Variants in ANXA1 observed in about 807,000 individuals in gnomAD.
ANXA1 encodes annexin I (lipocortin I).
In ANXA1, 39 loss-of-function variants were observed where a neutral mutation model predicts 47.9. That is an observed-to-expected ratio of 0.81 (90% CI 0.63 to 1.06). The LOEUF is 1.06. Ranked by LOEUF, ANXA1 falls within the 50% of genes least tolerant of loss-of-function variation. ANXA1 has a pLI of 0.00. For synonymous variants in ANXA1, 146 were observed against 142.5 expected (o/e 1.02, Z -0.17); for missense variants, 446 against 422.7 (o/e 1.06, Z -0.48).
At position 73,163,481 on chromosome 9, in the gene ANXA1, C is replaced by T. The variant is rs745737142; in HGVS notation, c.561C>T (p.Asp187=). The T allele has an allele frequency of 2.5e-6, 4 of 1,612,768 alleles. No individual in the cohort carries two copies. The highest frequency in any genetic ancestry group is 3.4e-6 in the Non-Finnish European group (4 of 1,179,098). ...TAGAATGGGATTTCTTTCAGGGTGA[C>T]CGATCTGAGGACTTTGGTGTGAATG... ...RNALLSLAKG[D]RSEDFGVNED... is the part of the protein sequence containing the mutation. The change falls in exon 8 of 13, where the codon GAC becomes GAT. Residue 187 remains aspartate (D), a synonymous_variant. Coordinates refer to ENST00000257497, the MANE Select transcript of ANXA1 (RefSeq NM_000700.3).
In ANXA1 at chr9:73,154,286, G is replaced by A. The variant is rs771340947; in HGVS notation, c.-15+2362G>A. ...TTTAAAAATAAACTCCCTAAGGCTGGGGTGAAACCTGCTACGGTCTGCGCA... is the reference window on the plus strand; with the variant it reads ...TTTAAAAATAAACTCCCTAAGGCTGAGGTGAAACCTGCTACGGTCTGCGCA... On this transcript the variant is annotated intron_variant, in intron 1 of 12. Coordinates refer to ENST00000257497, the MANE Select transcript of ANXA1 (RefSeq NM_000700.3). The A allele has an allele frequency of 1.0e-5, 14 of 1,365,210 alleles. No homozygotes were observed. The East Asian group carries it at 5.9e-4, about 58-fold the overall frequency. 84.6% of individuals were successfully genotyped at this position (1,365,210 alleles called of 1,614,324 possible).
At chr9:73,157,237 A>G (rs1025525201) in intron 1 of ANXA1, among the ~76,000 whole-genome samples, 3 of 152,182 alleles carry the variant, frequency 2.0e-5, no homozygotes, top group African/African-American at 7.2e-5. Context: ...GTACTTTTAT[A>G]TCAAGAAATA....
In ANXA1 at chr9:73,170,074, G is replaced by T; in HGVS notation, c.1008G>T (p.Glu336Asp). The stretch of plus-strand genomic sequence containing the variant: ...AGGATGAAACCAAAGGAGATTATGA[G>T]AAAATCCTGGTGGCTCTTTGTGGAG... ...AILDETKGDY[E>D]KILVALCGGN The change falls in exon 13 of 13, where the codon GAG (glutamate) becomes GAT (aspartate). Residue 336 changes from glutamate (E) to aspartate (D), a missense_variant. Glu to Asp is a conservative substitution (Grantham distance 45). Coordinates refer to ENST00000257497, the MANE Select transcript of ANXA1 (RefSeq NM_000700.3). 1.2e-6 allele frequency: 2 copies of T among 1,608,102 alleles called. No individual in the cohort carries two copies. The highest frequency in any genetic ancestry group is 1.7e-6 in the Non-Finnish European group (2 of 1,176,656).
chr9:73,156,175 T>TA (rs1824046353), intron 1 of ANXA1, among the ~76,000 whole-genome samples: 29 of 146,484 alleles, frequency 2.0e-4, no homozygotes, highest in African/African-American at 6.0e-4. Flanking sequence ...ATAAATAAAA[T>TA]AAATAAATAA....
intron 7 of ANXA1, 23 bp from the exon 8 acceptor site, chr9:73,163,453 C>T: frequency 6.2e-7 from 1 of 1,610,572 alleles, no homozygotes; most frequent in Non-Finnish European, 8.5e-7. Flanking sequence ...GAAGAGCTTA[C>T]AATAGAATGG....
intron 11 of ANXA1, chr9:73,168,614 G>T (rs1450373284): frequency 6.4e-6 from 1 of 155,494 alleles, no homozygotes; most frequent in Non-Finnish European, 1.4e-5. Flanking sequence ...AATTAGGCAG[G>T]ATATTGTAAG....
Position 73,169,025 on chromosome 9 carries a change from T to G in ANXA1, c.862-7T>G. 5.0e-6 allele frequency: 8 copies of G among 1,600,248 alleles called. No homozygotes were observed. The highest frequency in any genetic ancestry group is 6.8e-6 in the Non-Finnish European group (8 of 1,175,658). ...ATGAGACACTTACCCTCATTTATTT[T>G]GGCCAGGGTGTTGGAACTCGCCATA... On this transcript the variant is annotated splice_region_variant and splice_polypyrimidine_tract_variant and intron_variant, in intron 11 of 12. Coordinates refer to ENST00000257497, the MANE Select transcript of ANXA1 (RefSeq NM_000700.3).
intron 9 of ANXA1, chr9:73,165,494 A>G (rs1187646530): frequency 4.5e-6 from 1 of 224,452 alleles, no homozygotes; most frequent in African/African-American, 2.3e-5. Flanking sequence ...GGGAAAAGAC[A>G]TGCATAACAG....
chr9:73,169,281 G>A, intron 12 of ANXA1, 127 bp downstream of exon 12: 4 of 1,017,148 alleles, frequency 3.9e-6, no homozygotes, highest in Non-Finnish European at 5.3e-6. Context: ...ATATTATGGT[G>A]TATACTTCAT....
chr9:73,156,537 C>A (rs1413033584), intron 1 of ANXA1, among the ~76,000 whole-genome samples: 1 of 152,192 alleles, frequency 6.6e-6, no homozygotes, highest in South Asian at 2.1e-4. Context: ...GTTCTTCTCA[C>A]AGATGACAGA....
rs1206985474 is a variant in ANXA1 at position 73,160,391 on chromosome 9, T to C, written c.384+15T>C. On this transcript the variant is annotated intron_variant, in intron 5 of 12. Coordinates refer to ENST00000257497, the MANE Select transcript of ANXA1 (RefSeq NM_000700.3). ...CTGCCATGAAGGTAAATCGCCCAAT[T>C]TGAGCAAACTCCTTTCCTCAAGAGG... 6.5e-7 allele frequency: 1 copy of C among 1,529,844 alleles called. No individual in the cohort carries two copies. Among genetic ancestry groups the C allele is most frequent in the Non-Finnish European group, 8.8e-7 (1 of 1,138,534 alleles). 94.8% of individuals were successfully genotyped at this position (1,529,844 alleles called of 1,614,324 possible). A position where few individuals can be genotyped will look rare whatever the true frequency, so the allele number is the denominator to read the frequency against.
chr9:73,169,783 T>A (rs1739432359), intron 12 of ANXA1, among the ~76,000 whole-genome samples: 1 of 152,150 alleles, frequency 6.6e-6, no homozygotes, highest in Admixed American at 6.5e-5. Flanking sequence ...TTATTTAATT[T>A]TGTGTGATAT....
At chr9:73,168,154 G>A (rs1017824230) in intron 11 of ANXA1, 7 of 151,482 alleles carry the variant, frequency 4.6e-5, no homozygotes, top group African/African-American at 1.5e-4. Flanking sequence ...CCAAAATAAG[G>A]AGGTTTTCAG....
rs755105129 is a variant in ANXA1 at position 73,160,824 on chromosome 9, A to G, written c.406A>G (p.Thr136Ala). 3 of 1,612,238 alleles carry G rather than the reference A, an allele frequency of 1.9e-6. No homozygotes were observed. The highest frequency in any genetic ancestry group is 1.7e-5 in the Admixed American group (1 of 59,914). The change falls in exon 6 of 13, where the codon ACT (threonine) becomes GCT (alanine). Residue 136 changes from threonine (T) to alanine (A), a missense_variant. Transcript: ENST00000257497. ...TTAGGGCCTTGGAACTGATGAAGAT[A>G]CTCTAATTGAGATTTTGGCATCAAG... ...AMKGLGTDED[T>A]LIEILASRTN...
At chr9:73,165,568 G>T (rs115193921) in intron 9 of ANXA1, 2,206 of 163,686 alleles carry the variant, frequency 0.013, 51 homozygotes, top group African/African-American at 0.05. Context: ...AGAGCTAAAT[G>T]AAGAAAGAAA....
In ANXA1 at chr9:73,158,731, G is replaced by A. The variant is rs1176664065; in HGVS notation, c.103G>A (p.Ala35Thr). Residue 35 changes from alanine to threonine, a missense_variant, in exon 3 of 13, where the codon GCG becomes ACG. Ala to Thr is a moderately conservative substitution (Grantham distance 58). Transcript: ENST00000257497. ...GTCATCCAAAGGTGGTCCCGGATCAGCGGTGAGCCCCTATCCTACCTTCAA... is the reference window on the plus strand; with the variant it reads ...GTCATCCAAAGGTGGTCCCGGATCAACGGTGAGCCCCTATCCTACCTTCAA... ...VKSSKGGPGS[A>T]VSPYPTFNPS... is the part of the protein sequence containing the mutation. 8 of 1,613,872 alleles carry A rather than the reference G, an allele frequency of 5.0e-6. No individual in the cohort carries two copies. Among genetic ancestry groups the A allele is most frequent in the South Asian group, 4.4e-5 (4 of 91,078 alleles).
intron 1 of ANXA1, among the ~76,000 whole-genome samples, chr9:73,156,510 G>C (rs572236071): frequency 6.6e-6 from 1 of 152,182 alleles, no homozygotes; most frequent in Non-Finnish European, 1.5e-5. Context: ...TGCTTTAAAT[G>C]AATGGAAAAA....
At position 73,167,077 on chromosome 9, in the gene ANXA1, TG is replaced by T. The variant is rs148037162; in HGVS notation, c.803-419del. Among the ~76,000 whole-genome samples the T allele has an allele frequency of 3.5e-4, 53 of 152,270 alleles. No homozygotes were observed. The East Asian group carries it at 8.5e-3, about 24-fold the overall frequency. ...ACCCAATAAGTAGTTTTTTGACCAA[TG>T]CCCCTTCTCTCCCTGCCCTCTCTAG... On this transcript the variant is annotated intron_variant, in intron 10 of 12. Transcript: ENST00000257497.
chr9:73,162,941 A>G, intron 7 of ANXA1, 80 bp downstream of exon 7: 1 of 1,125,170 alleles, frequency 8.9e-7, no homozygotes, highest in Non-Finnish European at 1.3e-6. Context: ...GCTATAAGGG[A>G]ATATCTGAGG....
Sources: gnomAD v4.1 joint callset for allele counts (sites outside exome capture counted in the v4.1 genomes callset) on GRCh38, gnomAD v4.1.1 for gene constraint, MANE v1.5 for transcripts, NCBI Gene and HGNC (gene_info 2026-07-23, HGNC 2026-07-21) for gene names.